The following FILIP1L variants were observed in gnomAD, a reference collection of about 807,000 sequenced individuals.
The protein encoded by FILIP1L is filamin A interacting protein 1 like, also known as filamin A-interacting protein 1-like.
FILIP1L carries 55 observed loss-of-function variants against 96.6 expected under a neutral mutation model. The observed-to-expected ratio is 0.57, with a 90% CI of 0.46 to 0.71. The LOEUF is 0.71. Ranked by LOEUF, FILIP1L falls within the 30% of genes least tolerant of loss-of-function variation. The pLI is 0.00. For missense variants in FILIP1L, 1,304 were observed against 1,321.2 expected (o/e 0.99, Z 0.20); for synonymous variants, 467 against 473.9 (o/e 0.99, Z 0.19).
chr3:99,869,594 T>A (rs1944687804), intron 4 of FILIP1L, among the ~76,000 whole-genome samples: 2 of 152,142 alleles, frequency 1.3e-5, no homozygotes, highest in African/African-American at 4.8e-5. Context: ...AATGGGTGTT[T>A]GTCTTCAGCA....
At chr3:99,969,289 A>G (rs562982770) in intron 1 of FILIP1L, among the ~76,000 whole-genome samples, 1 of 152,214 alleles carries the variant, frequency 6.6e-6, no homozygotes, top group Non-Finnish European at 1.5e-5. Context: ...GCAGAGAAGG[A>G]TGTAGCCTTG....
At position 99,857,142 on chromosome 3, in the gene FILIP1L, A is replaced by T. The variant is rs151271767; in HGVS notation, c.606-6072T>A. Among the ~76,000 whole-genome samples the T allele has an allele frequency of 5.3e-4, 81 of 152,314 alleles. 1 individual carries two copies. Among genetic ancestry groups the T allele is most frequent in the Non-Finnish European group, 1.0e-3 (69 of 68,028 alleles). On this transcript the variant is annotated intron_variant, in intron 4 of 5. Transcript: ENST00000477258. ...TGAACAAATACTCCCTTTTGTGAAA[A>T]ATACTGTAGCACTGTCCTAAGTAGT...
At chr3:99,910,549 C>G (rs1236463212) in intron 4 of FILIP1L, among the ~76,000 whole-genome samples, 1 of 136,694 alleles carries the variant, frequency 7.3e-6, no homozygotes, top group Non-Finnish European at 1.7e-5. Context: ...TCCAGTACCC[C>G]TTACCACTTT....
At chr3:99,981,323 G>A (rs1023589973) in intron 1 of FILIP1L, among the ~76,000 whole-genome samples, 3 of 152,130 alleles carry the variant, frequency 2.0e-5, no homozygotes, top group African/African-American at 4.8e-5. Context: ...CATCTTAAGC[G>A]AAGCCTTCCT....
At chr3:100,101,503 G>A (rs550573445) in intron 1 of FILIP1L, among the ~76,000 whole-genome samples, 1 of 152,278 alleles carries the variant, frequency 6.6e-6, no homozygotes, top group South Asian at 2.1e-4. Context: ...CTTGCTTTCG[G>A]TGAAGTACTT....
At chr3:99,886,885 G>T (rs571057465) in intron 4 of FILIP1L, among the ~76,000 whole-genome samples, 9 of 151,304 alleles carry the variant, frequency 5.9e-5, no homozygotes, top group Non-Finnish European at 1.3e-4. Context: ...CAGGAGAATC[G>T]CTTGAACCTG....
chr3:99,994,340 G>A lies in FILIP1L; in HGVS notation c.-10-63310C>T, dbSNP rs142990477. 7.3e-3 allele frequency among the ~76,000 whole-genome samples: 1,106 copies of A among 152,238 alleles called. 18 individuals carry two copies. The highest frequency in any genetic ancestry group is 0.025 in the African/African-American group (1,019 of 41,524). Reference sequence around the variant, plus strand: ...CTAGACAGATCATCAAGTCAGAAAAGTAACAAAGAAATATTGGACTTAAAT... The same window carrying A: ...CTAGACAGATCATCAAGTCAGAAAAATAACAAAGAAATATTGGACTTAAAT... On this transcript the variant is annotated intron_variant, in intron 1 of 5. Coordinates refer to ENST00000477258, the MANE Select transcript of FILIP1L (RefSeq NM_001387850.1).
intron 1 of FILIP1L, among the ~76,000 whole-genome samples, chr3:100,036,365 CA>C (rs2065108303): frequency 1.3e-5 from 2 of 152,048 alleles, no homozygotes; most frequent in South Asian, 4.2e-4. Flanking sequence ...TAGGAAGTCT[CA>C]AAAAATGATG....
intron 1 of FILIP1L, among the ~76,000 whole-genome samples, chr3:100,079,985 G>T (rs2065905845): frequency 6.6e-6 from 1 of 152,080 alleles, no homozygotes; most frequent in South Asian, 2.1e-4. Flanking sequence ...GAGTGGCTTG[G>T]AGTGGCTAGA....
intron 1 of FILIP1L, among the ~76,000 whole-genome samples, chr3:99,961,027 C>T (rs1043164664): frequency 3.9e-5 from 6 of 152,036 alleles, no homozygotes; most frequent in Admixed American, 2.0e-4. Flanking sequence ...GGAACATATT[C>T]GTTAATATTT....
intron 1 of FILIP1L, among the ~76,000 whole-genome samples, chr3:100,044,757 A>G (rs188353356): frequency 6.6e-6 from 1 of 152,160 alleles, no homozygotes; most frequent in East Asian, 1.9e-4. Flanking sequence ...CACACAGTAG[A>G]TGAGAGAAGG....
At chr3:99,951,237 T>C (rs1165195258) in intron 1 of FILIP1L, among the ~76,000 whole-genome samples, 2 of 152,192 alleles carry the variant, frequency 1.3e-5, no homozygotes, top group Non-Finnish European at 1.5e-5. Context: ...CCTGACTTCA[T>C]AACCACATTA....
chr3:99,971,769 C>T lies in FILIP1L; in HGVS notation c.-10-40739G>A, dbSNP rs544142797. On this transcript the variant is annotated intron_variant, in intron 1 of 5. Coordinates refer to ENST00000477258, the MANE Select transcript of FILIP1L (RefSeq NM_001387850.1). ...TCAAACTTCTGAAAGGAGTCCTCTCCCTGCAACACCATTCCCATAAAAGAG... is the reference window on the plus strand; with the variant it reads ...TCAAACTTCTGAAAGGAGTCCTCTCTCTGCAACACCATTCCCATAAAAGAG... Among the ~76,000 whole-genome samples, 6 of 152,294 alleles carry T rather than the reference C, an allele frequency of 3.9e-5. No homozygotes were observed. The South Asian group carries it at 1.0e-3, about 26-fold the overall frequency.
chr3:99,958,979 G>A (rs1708417924), intron 1 of FILIP1L, among the ~76,000 whole-genome samples: 1 of 152,062 alleles, frequency 6.6e-6, no homozygotes, highest in Admixed American at 6.5e-5. Flanking sequence ...TGTAAAAACA[G>A]CAAATTATCA....
At chr3:100,107,488 G>T (rs73859924) in intron 1 of FILIP1L, among the ~76,000 whole-genome samples, 1 of 152,076 alleles carries the variant, frequency 6.6e-6, no homozygotes, top group African/African-American at 2.4e-5. Context: ...CTTTCCTTCC[G>T]CACATTTGGC....
chr3:100,036,557 TC>T (rs912397514), intron 1 of FILIP1L, among the ~76,000 whole-genome samples: 3 of 152,224 alleles, frequency 2.0e-5, no homozygotes, highest in African/African-American at 7.2e-5. Context: ...GAAAAGTTAT[TC>T]TTTACAGTAG....
intron 1 of FILIP1L, among the ~76,000 whole-genome samples, chr3:100,032,557 T>C (rs1367316531): frequency 6.6e-6 from 1 of 152,188 alleles, no homozygotes; most frequent in East Asian, 1.9e-4. Context: ...TTCATAACAT[T>C]GTAAAGCTCA....
intron 1 of FILIP1L, among the ~76,000 whole-genome samples, chr3:100,069,693 C>T (rs951393795): frequency 2.0e-5 from 3 of 152,166 alleles, no homozygotes; most frequent in Admixed American, 1.3e-4. Flanking sequence ...TCGTCATGGT[C>T]TGGAGGAACC....
rs1559647607 is a variant in FILIP1L at position 99,829,090 on chromosome 3, A to T, written c.*1324T>A. On this transcript the variant is annotated 3_prime_UTR_variant, in exon 6 of 6. Coordinates refer to ENST00000477258, the MANE Select transcript of FILIP1L (RefSeq NM_001387850.1). The stretch of plus-strand genomic sequence containing the variant: ...TAGTTAGATAAGTATGGGGAATGGG[A>T]GTTCCTTTACTCTTGCTCTGCTGGC... Among the ~76,000 whole-genome samples, 1 of 152,060 alleles carries T rather than the reference A, an allele frequency of 6.6e-6. No homozygotes were observed. Among genetic ancestry groups the T allele is most frequent in the Non-Finnish European group, 1.5e-5 (1 of 68,022 alleles).
Sources: gnomAD v4.1 joint callset for allele counts (sites outside exome capture counted in the v4.1 genomes callset) on GRCh38, gnomAD v4.1.1 for gene constraint, MANE v1.5 for transcripts, NCBI Gene and HGNC (gene_info 2026-07-23, HGNC 2026-07-21) for gene names.